Variants in RFX7 observed in about 807,000 individuals in gnomAD.
RFX7 encodes regulatory factor X7.
Under a neutral mutation model 111.8 loss-of-function variants are expected in RFX7, and 26 were observed. The ratio of observed to expected loss-of-function variants is 0.23; its 90% CI spans 0.17 to 0.32. The LOEUF (loss-of-function observed/expected upper bound fraction) is 0.32, where lower values mean the gene tolerates loss of function less well. RFX7 is among the 10% of genes least tolerant of loss of function. The pLI is 1.00. For synonymous variants in RFX7, 624 were observed against 624.4 expected (o/e 1.00, Z 0.01); for missense variants, 1,573 against 1,772.9 (o/e 0.89, Z 2.02).
chr15:56,178,135 G>C (rs1212754293), intron 3 of RFX7, among the ~76,000 whole-genome samples: 2 of 92,112 alleles, frequency 2.2e-5, no homozygotes, highest in African/African-American at 4.7e-5. Context: ...ATTATTATAA[G>C]ACAAAAAAAA....
intron 2 of RFX7, among the ~76,000 whole-genome samples, chr15:56,232,619 C>T (rs1435930859): frequency 6.6e-6 from 1 of 152,172 alleles, no homozygotes; most frequent in Admixed American, 6.5e-5. Context: ...CGTCAGGCTG[C>T]AAATTTTCTG....
intron 2 of RFX7, among the ~76,000 whole-genome samples, chr15:56,212,644 T>G (rs1386583833): frequency 2.6e-5 from 4 of 152,118 alleles, no homozygotes; most frequent in Non-Finnish European, 5.9e-5. Flanking sequence ...GTTCTTCTTT[T>G]GTGTGAATCT....
chr15:56,184,430 CTTCT>C (rs2043015390), intron 2 of RFX7, among the ~76,000 whole-genome samples: 1 of 151,776 alleles, frequency 6.6e-6, no homozygotes, highest in Non-Finnish European at 1.5e-5. Flanking sequence ...CTCTTTCTCC[CTTCT>C]TTTTCTTATC....
At chr15:56,111,144 G>A (rs1196708350) in intron 5 of RFX7, among the ~76,000 whole-genome samples, 2 of 142,068 alleles carry the variant, frequency 1.4e-5, no homozygotes, top group Non-Finnish European at 3.1e-5. Flanking sequence ...CGTCTGGGAG[G>A]TTTACCCAAC....
chr15:56,093,022 G>T lies in RFX7; in HGVS notation c.*323C>A, dbSNP rs1266818306. 1 of 243,456 alleles carries T rather than the reference G, an allele frequency of 4.1e-6. No individual in the cohort carries two copies. Among genetic ancestry groups the T allele is most frequent in the Non-Finnish European group, 8.0e-6 (1 of 125,302 alleles). The allele number at this position is 243,456 out of a possible 1,614,324, so 15.1% of individuals were successfully genotyped here. A position where few individuals can be genotyped will look rare whatever the true frequency, so the allele number is the denominator to read the frequency against. On this transcript the variant is annotated 3_prime_UTR_variant, in exon 10 of 10. Coordinates refer to ENST00000559447, the MANE Select transcript of RFX7 (RefSeq NM_022841.7). ...GATGGTTTATTCTGAGTTCTGTGCA[G>T]ATCATCTGATGAAATGAAACTAACT...
intron 2 of RFX7, among the ~76,000 whole-genome samples, chr15:56,235,376 A>C (rs1466810429): frequency 6.6e-6 from 1 of 152,178 alleles, no homozygotes; most frequent in South Asian, 2.1e-4. Context: ...GGGTTTCACC[A>C]TGTTAGCCAG....
At chr15:56,129,992 G>C (rs372673871) in intron 5 of RFX7, among the ~76,000 whole-genome samples, 9 of 152,210 alleles carry the variant, frequency 5.9e-5, no homozygotes, top group South Asian at 2.1e-4. Context: ...ATATGTACTT[G>C]CATTTGCCTA....
chr15:56,229,367 G>A (rs892838929), intron 2 of RFX7, among the ~76,000 whole-genome samples: 4 of 152,184 alleles, frequency 2.6e-5, no homozygotes, highest in South Asian at 2.1e-4. Flanking sequence ...CCAGGTTCAC[G>A]CCATTCTCCT....
At position 56,201,550 on chromosome 15, in the gene RFX7, T is replaced by C. The variant is rs765844781; in HGVS notation, c.162-22247A>G. Among the ~76,000 whole-genome samples the C allele has an allele frequency of 6.6e-5, 10 of 152,280 alleles. No homozygotes were observed. The East Asian group carries it at 7.7e-4, about 12-fold the overall frequency. ...ACCAAAACTGATATATTTTTAAAGA[T>C]AGAAGAGTTATTAGTGGAAATAGGT... On this transcript the variant is annotated intron_variant, in intron 2 of 9. Transcript: ENST00000559447.
At chr15:56,109,183 T>C (rs1408109874) in intron 5 of RFX7, among the ~76,000 whole-genome samples, 6 of 152,352 alleles carry the variant, frequency 3.9e-5, no homozygotes, top group East Asian at 1.9e-4. Flanking sequence ...GTGCCTGCGA[T>C]TGCAGGCGCG....
intron 5 of RFX7, among the ~76,000 whole-genome samples, chr15:56,135,612 T>C (rs1225724222): frequency 4.6e-5 from 7 of 152,036 alleles, no homozygotes; most frequent in East Asian, 1.9e-4. Flanking sequence ...AGAAGCTCTT[T>C]AGTTTAATTA....
At chr15:56,223,698 G>A (rs763520805) in intron 2 of RFX7, among the ~76,000 whole-genome samples, 7 of 152,064 alleles carry the variant, frequency 4.6e-5, no homozygotes, top group Non-Finnish European at 1.0e-4. Flanking sequence ...CCTACAAAGA[G>A]CATCTGTTTA....
rs114408560 is a variant in RFX7, at chr15:56,101,283, A to C, written c.811+76T>G. On this transcript the variant is annotated intron_variant, in intron 8 of 9. Transcript: ENST00000559447. ...CTAAAAGGATGAAGTTCTTTGATCT[A>C]ACTCTTCTTTTGCTACCAATTCTAA... is the stretch of plus-strand genomic sequence containing the variant. 852 of 1,234,258 alleles carry C rather than the reference A, an allele frequency of 6.9e-4. 7 individuals are homozygous for C. In the African/African-American group the frequency reaches 0.012, roughly 17 times the overall value. The allele number at this position is 1,234,258 out of a possible 1,614,324, so 76.5% of individuals were successfully genotyped here. A position where few individuals can be genotyped will look rare whatever the true frequency, so the allele number is the denominator to read the frequency against.
chr15:56,185,619 AGT>A (rs56812873), intron 2 of RFX7, among the ~76,000 whole-genome samples: 5,538 of 152,224 alleles, frequency 0.036, 364 homozygotes, highest in African/African-American at 0.12. Context: ...TTTTCTTGGT[AGT>A]ATATTCCTTT....
intron 2 of RFX7, among the ~76,000 whole-genome samples, chr15:56,206,700 T>C (rs2043255909): frequency 6.6e-6 from 1 of 151,942 alleles, no homozygotes; most frequent in Non-Finnish European, 1.5e-5. Flanking sequence ...TGCAGTAATA[T>C]AGATGGAACT....
At chr15:56,135,448 T>C (rs1404935797) in intron 5 of RFX7, among the ~76,000 whole-genome samples, 23 of 152,144 alleles carry the variant, frequency 1.5e-4, no homozygotes, top group African/African-American at 5.1e-4. Context: ...CTTCACCCAC[T>C]TTTTGATGGG....
chr15:56,177,165 G>C (rs1032462821), intron 3 of RFX7, among the ~76,000 whole-genome samples: 3 of 151,978 alleles, frequency 2.0e-5, no homozygotes, highest in African/African-American at 7.3e-5. Context: ...TGTACCTACT[G>C]TTCCTTCTAC....
intron 5 of RFX7, among the ~76,000 whole-genome samples, chr15:56,126,665 A>C (rs964666607): frequency 6.6e-6 from 1 of 152,232 alleles, no homozygotes; most frequent in African/African-American, 2.4e-5. Context: ...TACTACATAC[A>C]TACTTATATT....
intron 3 of RFX7, among the ~76,000 whole-genome samples, chr15:56,172,301 T>C (rs1164008914): frequency 6.6e-6 from 1 of 152,154 alleles, no homozygotes; most frequent in Non-Finnish European, 1.5e-5. Flanking sequence ...GACTAAACTT[T>C]GACTTTCTTC....
Sources: gnomAD v4.1 joint callset for allele counts (sites outside exome capture counted in the v4.1 genomes callset) on GRCh38, gnomAD v4.1.1 for gene constraint, MANE v1.5 for transcripts, NCBI Gene and HGNC (gene_info 2026-07-23, HGNC 2026-07-21) for gene names.